Variants in C6orf89 observed in about 807,000 individuals in gnomAD.
C6orf89 encodes chromosome 6 open reading frame 89, also known as bombesin receptor-activated protein C6orf89.
C6orf89 carries 29 observed loss-of-function variants against 40.7 expected under a neutral mutation model. The observed-to-expected ratio is 0.71, with a 90% CI of 0.53 to 0.97. The LOEUF (loss-of-function observed/expected upper bound fraction) is 0.97. Ranked by LOEUF, C6orf89 falls within the 50% of genes least tolerant of loss-of-function variation. The pLI, the probability that C6orf89 is intolerant of heterozygous loss-of-function variation, is 0.00. For synonymous variants in C6orf89, 165 were observed against 152.2 expected (o/e 1.08, Z -0.62); for missense variants, 392 against 429.1 (o/e 0.91, Z 0.76).
intron 1 of C6orf89, among the ~76,000 whole-genome samples, chr6:36,890,538 A>AT (rs1761164242): frequency 1.4e-5 from 2 of 144,052 alleles, no homozygotes; most frequent in Non-Finnish European, 1.5e-5. Flanking sequence ...TTAAAAAAAA[A>AT]ATTTTATTCT....
At chr6:36,894,023 CAAAAAAAAA>C (rs779616350) in intron 1 of C6orf89, among the ~76,000 whole-genome samples, 1 of 60,636 alleles carries the variant, frequency 1.6e-5, no homozygotes, top group African/African-American at 5.0e-5. Flanking sequence ...GACTCTGTCT[CAAAAAAAAA>C]AAAAAAGGAA....
At chr6:36,915,285 G>A (rs950886608) in intron 6 of C6orf89, among the ~76,000 whole-genome samples, 5 of 152,148 alleles carry the variant, frequency 3.3e-5, no homozygotes, top group Admixed American at 2.6e-4. Context: ...CCTCATGCAG[G>A]GGGCTGAAGA....
At chr6:36,899,361 T>G in intron 2 of C6orf89, 65 bp from the exon 3 acceptor site, 2 of 1,480,358 alleles carry the variant, frequency 1.4e-6, no homozygotes, top group South Asian at 1.2e-5. Context: ...CAAGTAGCTT[T>G]GAAGAGGAAG....
intron 7 of C6orf89, among the ~76,000 whole-genome samples, chr6:36,917,435 A>G (rs1450633239): frequency 6.6e-6 from 1 of 152,124 alleles, no homozygotes; most frequent in African/African-American, 2.4e-5. Context: ...TTTTCTCTGA[A>G]TTGCTCCTTT....
At chr6:36,872,902 C>A (rs1312210926) in intron 1 of C6orf89, among the ~76,000 whole-genome samples, 3 of 152,166 alleles carry the variant, frequency 2.0e-5, no homozygotes, top group Admixed American at 2.0e-4. Flanking sequence ...AGCTATGGCA[C>A]CTGGCCAGAT....
At position 36,874,597 on chromosome 6, in the gene C6orf89, G is replaced by GCTCCACGCCC. The variant is rs1392425617; in HGVS notation, c.-628+2638_-628+2647dup. The GCTCCACGCCC allele has an allele frequency of 3.0e-6, 4 of 1,353,322 alleles. No homozygotes were observed. In the East Asian group the frequency reaches 9.6e-5, roughly 33 times the overall value. The allele number at this position is 1,353,322 out of a possible 1,614,324, so 83.8% of individuals were successfully genotyped here. A position where few individuals can be genotyped will look rare whatever the true frequency, so the allele number is the denominator to read the frequency against. On this transcript the variant is annotated intron_variant, in intron 1 of 9. Transcript: ENST00000359359. ...CCCTCTGGGGGCCGTCTCGGCCGCT[G>GCTCCACGCCC]CTCCACGCCCCTCCACGTGGAGGCC...
intron 7 of C6orf89, among the ~76,000 whole-genome samples, 164 bp downstream of exon 7, chr6:36,916,738 C>T (rs1221096414): frequency 1.3e-5 from 2 of 152,204 alleles, no homozygotes; most frequent in African/African-American, 4.8e-5. Context: ...AGCCAGGAGA[C>T]TTGCAGGGGC....
chr6:36,901,312 A>ATTTTTTTTTTTTTTTTTTT, intron 3 of C6orf89, among the ~76,000 whole-genome samples: 1 of 64,686 alleles, frequency 1.5e-5, no homozygotes, highest in African/African-American at 6.6e-5. Context: ...TATTATTATT[A>ATTTTTTTTTTTTTTTTTTT]TTATTATTAT....
At position 36,924,016 on chromosome 6, in the gene C6orf89, T is replaced by C. The variant is rs916433284; in HGVS notation, c.*575T>C. 4 of 178,712 alleles carry C rather than the reference T, an allele frequency of 2.2e-5. No individual in the cohort carries two copies. The highest frequency in any genetic ancestry group is 9.5e-5 in the African/African-American group (4 of 42,148). The allele number at this position is 178,712 out of a possible 1,614,324, so 11.1% of individuals were successfully genotyped here. Reference sequence around the variant, plus strand: ...ATTCAAGAAGTACACTTCTTTCCCATTGTCCGTGGCTCTTGGAGTCTCCGT... The same window carrying C: ...ATTCAAGAAGTACACTTCTTTCCCACTGTCCGTGGCTCTTGGAGTCTCCGT... On this transcript the variant is annotated 3_prime_UTR_variant, in exon 9 of 9. Transcript: ENST00000480824.
At chr6:36,917,438 G>C (rs1273307490) in intron 7 of C6orf89, among the ~76,000 whole-genome samples, 1 of 152,154 alleles carries the variant, frequency 6.6e-6, no homozygotes, top group Admixed American at 6.5e-5. Flanking sequence ...TCTCTGAATT[G>C]CTCCTTTTGT....
At chr6:36,913,650 C>T (rs529458949) in intron 4 of C6orf89, among the ~76,000 whole-genome samples, 5 of 152,334 alleles carry the variant, frequency 3.3e-5, no homozygotes, top group African/African-American at 9.6e-5. Context: ...TTTAGCTCCA[C>T]ATTGCTGAAT....
chr6:36,901,324 T>TTATTATTACTA (rs1561865541), intron 3 of C6orf89, among the ~76,000 whole-genome samples: 29 of 26,970 alleles, frequency 1.1e-3, no homozygotes, highest in African/African-American at 6.5e-3. Context: ...TATTATTATT[T>TTATTATTACTA]TTTTTTTTTT....
At chr6:36,883,855 A>C (rs1443145215), upstream of C6orf89, among the ~76,000 whole-genome samples, 2 of 152,246 alleles carry the variant, frequency 1.3e-5, no homozygotes, top group Admixed American at 6.5e-5. Context: ...TACACAACAG[A>C]CTTTAAATTC....
intron 1 of C6orf89, among the ~76,000 whole-genome samples, chr6:36,890,659 G>A (rs1002428785): frequency 3.9e-5 from 6 of 151,998 alleles, no homozygotes; most frequent in African/African-American, 9.7e-5. Context: ...TCAGCCTCCC[G>A]AGTAGCTGGG....
At chr6:36,902,566 A>G in intron 4 of C6orf89, 132 bp downstream of exon 4, 1 of 762,948 alleles carries the variant, frequency 1.3e-6, no homozygotes, top group Admixed American at 2.9e-5. Flanking sequence ...AGTCCCCACT[A>G]AAACTCTATG....
At chr6:36,920,161 C>T (rs1378163951) in intron 8 of C6orf89, among the ~76,000 whole-genome samples, 1 of 152,068 alleles carries the variant, frequency 6.6e-6, no homozygotes, top group African/African-American at 2.4e-5. Context: ...AAAACAATAC[C>T]AAGCAGTATA....
At chr6:36,892,204 C>T (rs17623221) in intron 1 of C6orf89, among the ~76,000 whole-genome samples, 1,910 of 152,338 alleles carry the variant, frequency 0.013, 10 homozygotes, top group Middle Eastern at 0.034. Context: ...TTACCTCCGA[C>T]AGGCCTCTCT....
chr6:36,912,782 C>A (rs115371951), intron 4 of C6orf89, among the ~76,000 whole-genome samples: 1 of 152,148 alleles, frequency 6.6e-6, no homozygotes, highest in Non-Finnish European at 1.5e-5. Flanking sequence ...CTCAGCAGAC[C>A]GGCCAAGAAC....
rs1762444431 is a variant in C6orf89, at chr6:36,919,633, T to C, written c.881T>C (p.Leu294Pro). 1.9e-6 allele frequency: 3 copies of C among 1,614,186 alleles called. No homozygotes were observed. The highest frequency in any genetic ancestry group is 2.5e-6 in the Non-Finnish European group (3 of 1,180,010). The change falls in exon 8 of 9, where the codon CTC (leucine) becomes CCC (proline). Residue 294 changes from leucine (L) to proline (P), a missense_variant. By Grantham distance (98) the Leu-to-Pro change is moderately conservative. Coordinates refer to ENST00000480824, the MANE Select transcript of C6orf89 (RefSeq NM_001286635.2). ...GGCAGCGGTGAGGCCATGTTGCAGC[T>C]CATCCCTCCCTTCCAGTGCCGAAGA... ...IIGSGEAMLQLIPPFQCRRHC... is the reference protein window; with the variant it reads ...IIGSGEAMLQPIPPFQCRRHC...
Sources: allele counts gnomAD v4.1 joint callset (sites outside exome capture counted in the v4.1 genomes callset), GRCh38; gene constraint gnomAD v4.1.1; transcripts MANE v1.5; gene names NCBI Gene and HGNC (gene_info 2026-07-23, HGNC 2026-07-21).